The following MYBPC3 variants were observed in gnomAD, a reference collection of about 807,000 sequenced individuals.
The protein encoded by MYBPC3 is myosin-binding protein C, cardiac-type.
Under a neutral mutation model 159.3 loss-of-function variants are expected in MYBPC3, and 108 were observed. The ratio of observed to expected loss-of-function variants is 0.68; its 90% confidence interval spans 0.58 to 0.80. MYBPC3 has a LOEUF of 0.80. Among genes scored for constraint, MYBPC3 ranks in the 30% least tolerant of loss-of-function variants. The probability of loss-of-function intolerance (pLI) is 0.00; values close to 1 mark genes in which losing one functional copy is unlikely to be tolerated. For missense variants in MYBPC3, 1,631 were observed against 1,762.1 expected (o/e 0.93, Z 1.33); for synonymous variants, 730 against 702.0 (o/e 1.04, Z -0.63).
rs2095880876 is a variant in MYBPC3, at chr11:47,335,046, G to T, written c.2901C>A (p.Ile967=). 1.9e-6 allele frequency: 3 copies of T among 1,541,390 alleles called. No individual in the cohort carries two copies. The East Asian group carries it at 7.1e-5, about 36-fold the overall frequency. ...ACTGCACAAAGGGGCACTCACGCAG[G>T]ATCTCCTGCACTGTCACCGGCTCCG... ...TTTEPVTVQE[I]LQRPRLQLPR... is the part of the protein sequence containing the mutation. The change falls in exon 27 of 35, where the codon ATC becomes ATA. Residue 967 remains isoleucine, a synonymous_variant. Transcript: ENST00000545968.
At position 47,337,543 on chromosome 11, in the gene MYBPC3, C is replaced by T. The variant is rs397515964; in HGVS notation, c.2450G>A (p.Arg817Gln). ...ILERKKKKSY[R>Q]WMRLNFDLIQ... ...CAGGTCGAAGTTCAGCCGCATCCAC[C>T]GGTAGCTCTTCTTCTTCTTGCGCTC... Residue 817 changes from arginine to glutamine, a missense_variant, in exon 25 of 35, where the codon CGG becomes CAG. Transcript: ENST00000545968. The T allele has an allele frequency of 3.1e-6, 5 of 1,613,888 alleles. No individual in the cohort carries two copies. Among genetic ancestry groups the T allele is most frequent in the East Asian group, 2.2e-5 (1 of 44,894 alleles).
In MYBPC3 at chr11:47,332,358, C is replaced by A. The variant is rs1362837802; in HGVS notation, c.3628-100G>T. 2 of 1,469,508 alleles carry A rather than the reference C, an allele frequency of 1.4e-6. No homozygotes were observed. The highest frequency in any genetic ancestry group is 1.9e-6 in the Non-Finnish European group (2 of 1,058,926). The allele number at this position is 1,469,508 out of a possible 1,614,324, so 91.0% of individuals were successfully genotyped here. On this transcript the variant is annotated intron_variant, in intron 32 of 34. Coordinates refer to ENST00000545968, the MANE Select transcript of MYBPC3 (RefSeq NM_000256.3). The surrounding 1 kb of genome is among the most constrained non-coding windows in gnomAD (Gnocchi z 4.2). ...ATCTGTGTTTCTACTCGGGGGGTCC[C>A]ACGAGAGTCCCTGACTATGCCCAAG...
rs1452225964 is a variant in MYBPC3, at chr11:47,343,653, C to CCCA, written c.1091-32_1091-30dup. ...AGCACCACCCCTCAGCCCCGGCCAC[C>CCCA]CCACCGCCCGCACCCTGCTCCCCCA... On this transcript the variant is annotated intron_variant, in intron 12 of 34. Transcript: ENST00000545968. 1.9e-6 allele frequency: 3 copies of CCCA among 1,572,998 alleles called. No homozygotes were observed. In the African/African-American group the frequency reaches 4.0e-5, roughly 21 times the overall value.
chr11:47,350,017 C>T lies in MYBPC3; in HGVS notation c.502G>A (p.Val168Met), dbSNP rs569740494. ...VMRPQDGEVT[V>M]GGSITFSARV... ...GGGCACAGCAGCTCACACTCACCCA[C>T]GGTCACCTCGCCATCCTGTGGCCGC... The change falls in exon 4 of 35, where the codon GTG becomes ATG. Residue 168 changes from valine (V) to methionine (M), a missense_variant. Physicochemically the swap from Val to Met is conservative, Grantham distance 21. Coordinates refer to ENST00000545968, the MANE Select transcript of MYBPC3 (RefSeq NM_000256.3). The T allele has an allele frequency of 9.2e-5, 144 of 1,560,536 alleles. No individual in the cohort carries two copies. In the South Asian group the frequency reaches 1.5e-3, roughly 16 times the overall value.
chr11:47,347,170 A>T (rs2095895156), intron 9 of MYBPC3, 141 bp from the exon 10 acceptor site: 1 of 1,446,754 alleles, frequency 6.9e-7, no homozygotes, highest in Non-Finnish European at 9.1e-7. Flanking sequence ...GGGTCCCCGG[A>T]GTTTACGGAG....
In MYBPC3 at chr11:47,332,377, G is replaced by C; in HGVS notation, c.3628-119C>G. On this transcript the variant is annotated intron_variant, in intron 32 of 34. Transcript: ENST00000545968. This position sits in a 1 kb window ranked among gnomAD's most constrained non-coding sequence, Gnocchi z 4.2. ...GGGTCCCACGAGAGTCCCTGACTAT[G>C]CCCAAGGCTGGAAACAAACATGGAA... 1 of 1,426,590 alleles carries C rather than the reference G, an allele frequency of 7.0e-7. No homozygotes were observed. The allele number at this position is 1,426,590 out of a possible 1,614,324, so 88.4% of individuals were successfully genotyped here.
intron 18 of MYBPC3, 79 bp downstream of exon 18, chr11:47,341,912 T>A (rs1242730450): frequency 1.3e-6 from 2 of 1,517,566 alleles, no homozygotes; most frequent in Non-Finnish European, 1.8e-6. Context: ...TTTATCTCTC[T>A]CTCTCTGTTT....
Position 47,337,441 on chromosome 11 carries a change from G to T in MYBPC3, c.2552C>A (p.Ala851Asp), listed in dbSNP as rs774172488. The change falls in exon 25 of 35, where the codon GCC (alanine) becomes GAC (aspartate). Residue 851 changes from alanine (A) to aspartate (D), a missense_variant. Transcript: ENST00000545968. ...VYEMRVYAVN[A>D]IGMSRPSPAS... ...AGGGCTGGGCCTGGACATGCCGATG[G>T]CGTTGACCGCGTAGACGCGCATCTC... is the stretch of plus-strand genomic sequence containing the variant. 1 of 1,611,950 alleles carries T rather than the reference G, an allele frequency of 6.2e-7. No homozygotes were observed. Among genetic ancestry groups the T allele is most frequent in the African/African-American group, 1.3e-5 (1 of 75,046 alleles).
At chr11:47,334,999 G>T in intron 27 of MYBPC3, 43 bp downstream of exon 27, 1 of 1,460,202 alleles carries the variant, frequency 6.8e-7, no homozygotes, top group Non-Finnish European at 9.1e-7. Context: ...AAGGGCCTGG[G>T]GTGTCAATGG....
Position 47,332,299 on chromosome 11 carries a change from T to C in MYBPC3, c.3628-41A>G. The C allele has an allele frequency of 6.3e-7, 1 of 1,597,960 alleles. No individual in the cohort carries two copies. Among genetic ancestry groups the C allele is most frequent in the Non-Finnish European group, 8.5e-7 (1 of 1,171,306 alleles). ...AGAGAGGGAGGGAAGCCATCCAGGCTGAGAGGGGACCTGGCAGGGACCCAG... is the reference window on the plus strand; with the variant it reads ...AGAGAGGGAGGGAAGCCATCCAGGCCGAGAGGGGACCTGGCAGGGACCCAG... On this transcript the variant is annotated intron_variant, in intron 32 of 34. Coordinates refer to ENST00000545968, the MANE Select transcript of MYBPC3 (RefSeq NM_000256.3). This position sits in a 1 kb window ranked among gnomAD's most constrained non-coding sequence, Gnocchi z 4.2.
At chr11:47,347,748 C>T in intron 7 of MYBPC3, 68 bp from the exon 8 acceptor site, 2 of 1,548,796 alleles carry the variant, frequency 1.3e-6, no homozygotes, top group Non-Finnish European at 1.7e-6. Context: ...CCCCCACTGA[C>T]TTCAGCTCCG....
At chr11:47,340,947 G>A (rs746798129) in intron 20 of MYBPC3, 56 bp downstream of exon 20, 33 of 1,479,248 alleles carry the variant, frequency 2.2e-5, no homozygotes, top group Non-Finnish European at 2.9e-5. Flanking sequence ...GGAGGCCTGC[G>A]TGGGTGGGTT....
chr11:47,339,942 G>A (rs1452687960), intron 20 of MYBPC3, among the ~76,000 whole-genome samples, 152 bp from the exon 21 acceptor site: 1 of 152,188 alleles, frequency 6.6e-6, no homozygotes, highest in Non-Finnish European at 1.5e-5. Context: ...ACAGTAGGCT[G>A]AGTTCTGACA....
In MYBPC3 at chr11:47,332,323, A is replaced by G; in HGVS notation, c.3628-65T>C. ...CTGAGAGGGGACCTGGCAGGGACCC[A>G]GGGAGACACATCTGTGTTTCTACTC... On this transcript the variant is annotated intron_variant, in intron 32 of 34. Coordinates refer to ENST00000545968, the MANE Select transcript of MYBPC3 (RefSeq NM_000256.3). The surrounding 1 kb of genome is among the most constrained non-coding windows in gnomAD (Gnocchi z 4.2). 6.4e-7 allele frequency: 1 copy of G among 1,554,488 alleles called. No individual in the cohort carries two copies. The highest frequency in any genetic ancestry group is 8.9e-7 in the Non-Finnish European group (1 of 1,127,734).
chr11:47,349,307 A>C (rs961734272), intron 5 of MYBPC3, among the ~76,000 whole-genome samples: 3 of 152,128 alleles, frequency 2.0e-5, no homozygotes, highest in Non-Finnish European at 4.4e-5. Context: ...GCAGCCACTT[A>C]ACCTCTCAAG....
chr11:47,341,965 C>A, intron 18 of MYBPC3, 26 bp downstream of exon 18: 2 of 1,552,484 alleles, frequency 1.3e-6, no homozygotes, highest in Non-Finnish European at 1.7e-6. Context: ...CTCCACCTGT[C>A]CCATCCACCT....
intron 6 of MYBPC3, 23 bp from the exon 7 acceptor site, chr11:47,347,928 T>C: frequency 1.9e-6 from 3 of 1,568,260 alleles, no homozygotes; most frequent in Non-Finnish European, 2.6e-6. Flanking sequence ...GGTGGAGAGA[T>C]GGGGGAAGGG....
chr11:47,341,382 T>A, intron 18 of MYBPC3, 138 bp from the exon 19 acceptor site: 1 of 627,132 alleles, frequency 1.6e-6, no homozygotes, highest in East Asian at 3.0e-5. Context: ...TGCCTTTTTT[T>A]TTCTATATTA....
rs1425113294 is a variant in MYBPC3, at chr11:47,347,643, A to G, written c.851+8T>C. ...GGATGGTGCAGGTAGGGCCTGGGGCAGGGGTACCTGATCCGCCGACCACCT... is the reference window on the plus strand; with the variant it reads ...GGATGGTGCAGGTAGGGCCTGGGGCGGGGGTACCTGATCCGCCGACCACCT... On this transcript the variant is annotated splice_region_variant and intron_variant, in intron 8 of 34. Coordinates refer to ENST00000545968, the MANE Select transcript of MYBPC3 (RefSeq NM_000256.3). 3 of 1,574,204 alleles carry G rather than the reference A, an allele frequency of 1.9e-6. No homozygotes were observed. The highest frequency in any genetic ancestry group is 2.6e-6 in the Non-Finnish European group (3 of 1,160,002).
Sources: gnomAD v4.1 joint callset for allele counts (sites outside exome capture counted in the v4.1 genomes callset) on GRCh38, gnomAD v4.1.1 for gene constraint, Gnocchi (gnomAD v3.1) non-coding constraint, MANE v1.5 for transcripts, NCBI Gene and HGNC (gene_info 2026-07-23, HGNC 2026-07-21) for gene names.